Variants in SAMD5 observed in about 807,000 individuals in gnomAD.
SAMD5 encodes the protein sterile alpha motif domain-containing protein 5.
SAMD5 carries 13 observed loss-of-function variants against 11.3 expected under a neutral mutation model. The observed-to-expected ratio is 1.15, with a 90% CI of 0.75 to 1.83. The LOEUF is 1.83. SAMD5 is among the 40% of genes most tolerant of loss of function. The pLI is 0.00. For synonymous variants in SAMD5, 129 were observed against 111.3 expected (o/e 1.16, Z -1.00); for missense variants, 255 against 239.1 (o/e 1.07, Z -0.44).
At chr6:147,911,368 T>A in the SAMD5 span, among the ~76,000 whole-genome samples, 1 of 152,148 alleles carries the variant, frequency 6.6e-6, no homozygotes, top group Non-Finnish European at 1.5e-5. Context: ...CTCCACCATA[T>A]GAAGTTAACA....
chr6:147,598,215 CCTGGGTT>C (rs1789562861), intron 1 of SAMD5, among the ~76,000 whole-genome samples: 1 of 151,890 alleles, frequency 6.6e-6, no homozygotes, highest in Admixed American at 6.6e-5. Flanking sequence ...ACCTCTGCCT[CCTGGGTT>C]CAAGCAATCT....
intron 1 of SAMD5, among the ~76,000 whole-genome samples, chr6:147,640,369 C>A (rs1032731513): frequency 6.7e-6 from 1 of 149,100 alleles, no homozygotes; most frequent in Non-Finnish European, 1.5e-5. Context: ...TGGTGGTGTA[C>A]ACCTGTAATC....
the SAMD5 span, among the ~76,000 whole-genome samples, chr6:147,794,483 T>G: frequency 6.6e-6 from 1 of 152,258 alleles, no homozygotes. Context: ...TCCATATAAA[T>G]GCATTTAATT....
the SAMD5 span, among the ~76,000 whole-genome samples, chr6:147,766,895 A>G: frequency 6.6e-6 from 1 of 152,234 alleles, no homozygotes; most frequent in Non-Finnish European, 1.5e-5. Flanking sequence ...TAATTGAGTC[A>G]TTTGACAGGT....
chr6:147,930,236 G>T, the SAMD5 span, among the ~76,000 whole-genome samples: 2 of 152,062 alleles, frequency 1.3e-5, no homozygotes, highest in African/African-American at 4.8e-5. Flanking sequence ...TTTCCTATCT[G>T]TATTTCTATC....
rs3861410 is a variant in SAMD5 at position 147,711,712 on chromosome 6, T to C, written c.163-25605T>C. Among the ~76,000 whole-genome samples, 115,982 of 152,136 alleles carry C rather than the reference T, an allele frequency of 0.76. 45,005 individuals carry two copies. Among genetic ancestry groups the C allele is most frequent in the African/African-American group, 0.89 (37,046 of 41,524 alleles). On this transcript the variant is annotated intron_variant, in intron 1 of 1. Transcript: ENST00000566741. This position sits in a 1 kb window ranked among gnomAD's most constrained non-coding sequence, Gnocchi z 4.1. Reference sequence around the variant, plus strand: ...TAATCAGATTGTAATGAATTTCAGCTGAAGTATTAAGTTTGTGGTATCCAG... The same window carrying C: ...TAATCAGATTGTAATGAATTTCAGCCGAAGTATTAAGTTTGTGGTATCCAG...
At chr6:147,735,194 G>C (rs963637630) in intron 1 of SAMD5, among the ~76,000 whole-genome samples, 2 of 152,170 alleles carry the variant, frequency 1.3e-5, no homozygotes, top group African/African-American at 4.8e-5. Context: ...TCTGTTATTG[G>C]TCTGATAATT....
In SAMD5 at chr6:147,722,732, A is replaced by G. The variant is rs183896987; in HGVS notation, c.163-14585A>G. Among the ~76,000 whole-genome samples, 39 of 152,070 alleles carry G rather than the reference A, an allele frequency of 2.6e-4. No homozygotes were observed. In the East Asian group the frequency reaches 6.4e-3, roughly 25 times the overall value. On this transcript the variant is annotated intron_variant, in intron 1 of 1. Transcript: ENST00000566741. ...TCTTGCTTTTTTTATGTGCCTTGTTATTTTTGATTGAATGTCAGACACTGT... is the reference window on the plus strand; with the variant it reads ...TCTTGCTTTTTTTATGTGCCTTGTTGTTTTTGATTGAATGTCAGACACTGT...
At chr6:147,856,303 C>T in the SAMD5 span, among the ~76,000 whole-genome samples, 1 of 151,934 alleles carries the variant, frequency 6.6e-6, no homozygotes, top group African/African-American at 2.4e-5. Flanking sequence ...TGGGAATGGG[C>T]AGGAGGGAGA....
chr6:147,708,188 C>A (rs551217386), intron 1 of SAMD5, among the ~76,000 whole-genome samples: 2 of 152,128 alleles, frequency 1.3e-5, no homozygotes, highest in South Asian at 4.2e-4. Flanking sequence ...GCCAGGTGGG[C>A]CCTAATACAA....
At chr6:147,941,910 G>C in the SAMD5 span, among the ~76,000 whole-genome samples, 2 of 152,136 alleles carry the variant, frequency 1.3e-5, no homozygotes, top group African/African-American at 4.8e-5. Flanking sequence ...GTCTTGCTCT[G>C]TCACCCAGGT....
At chr6:147,644,618 TA>T (rs958786817) in intron 1 of SAMD5, among the ~76,000 whole-genome samples, 19 of 152,280 alleles carry the variant, frequency 1.2e-4, no homozygotes, top group African/African-American at 4.1e-4. Flanking sequence ...TAGAACTTGA[TA>T]AAAAAAGTTT....
chr6:147,526,829 A>G (rs151001303), intron 1 of SAMD5, among the ~76,000 whole-genome samples: 2 of 152,356 alleles, frequency 1.3e-5, no homozygotes, highest in African/African-American at 4.8e-5. Context: ...GAAATGAAGC[A>G]TAAGGTTGGG....
At chr6:147,697,818 G>A (rs551348331) in intron 1 of SAMD5, among the ~76,000 whole-genome samples, 1 of 152,268 alleles carries the variant, frequency 6.6e-6, no homozygotes, top group Admixed American at 6.5e-5. Context: ...AGTTCCTGCG[G>A]ATGGAACTCA....
At chr6:147,769,293 T>G in the SAMD5 span, among the ~76,000 whole-genome samples, 2 of 152,224 alleles carry the variant, frequency 1.3e-5, no homozygotes, top group African/African-American at 4.8e-5. Context: ...TTCTAGAGAG[T>G]GAAGCTCCAT....
chr6:147,758,288 A>T, the SAMD5 span, among the ~76,000 whole-genome samples: 1 of 152,218 alleles, frequency 6.6e-6, no homozygotes, highest in Non-Finnish European at 1.5e-5. Context: ...GAGTTGCAGC[A>T]CTCTACAAAA....
At chr6:147,795,261 C>G in the SAMD5 span, among the ~76,000 whole-genome samples, 1 of 140,806 alleles carries the variant, frequency 7.1e-6, no homozygotes, top group Non-Finnish European at 1.5e-5. Flanking sequence ...TTCCCCTTCC[C>G]GTGTCCATGT....
chr6:147,589,221 A>G (rs1789419200), intron 1 of SAMD5, among the ~76,000 whole-genome samples: 1 of 152,100 alleles, frequency 6.6e-6, no homozygotes, highest in Non-Finnish European at 1.5e-5. Context: ...GGCCTCCCAA[A>G]GTGCTGGGAT....
At chr6:147,779,522 G>A in the SAMD5 span, among the ~76,000 whole-genome samples, 8 of 146,562 alleles carry the variant, frequency 5.5e-5, no homozygotes, top group Non-Finnish European at 1.0e-4. Context: ...TTGAGACAGA[G>A]TCTCACTCTG....
Sources: allele counts gnomAD v4.1 joint callset (sites outside exome capture counted in the v4.1 genomes callset), GRCh38; gene constraint gnomAD v4.1.1; non-coding constraint Gnocchi (gnomAD v3.1); transcripts MANE v1.5; gene names NCBI Gene and HGNC (gene_info 2026-07-23, HGNC 2026-07-21).